The following AKAP13 variants were observed in gnomAD, a reference collection of about 807,000 sequenced individuals.
AKAP13 encodes the protein A-kinase anchoring protein 13, also known as A-kinase anchor protein 13.
In AKAP13, 80 loss-of-function variants were observed where a neutral mutation model predicts 264.5. The observed-to-expected ratio is 0.30, with a 90% CI of 0.25 to 0.36. The LOEUF (loss-of-function observed/expected upper bound fraction) is 0.36, where lower values mean the gene tolerates loss of function less well. AKAP13 is among the 10% of genes least tolerant of loss of function. The probability of loss-of-function intolerance (pLI) is 1.00; values close to 1 mark genes in which losing one functional copy is unlikely to be tolerated. For missense variants in AKAP13, 3,712 were observed against 3,435.2 expected, an observed-to-expected ratio of 1.08 and a Z score of -2.01; for synonymous variants, 1,380 against 1,250.2, an observed-to-expected ratio of 1.10 and a Z score of -2.19.
At chr15:85,715,175 T>C (rs1422950934) in intron 19 of AKAP13, among the ~76,000 whole-genome samples, 7 of 152,188 alleles carry the variant, frequency 4.6e-5, no homozygotes, top group Non-Finnish European at 1.0e-4. Context: ...AGATAGCCTG[T>C]TATATACTTT....
intron 5 of AKAP13, among the ~76,000 whole-genome samples, chr15:85,573,195 A>C (rs2078883939): frequency 6.6e-6 from 1 of 152,216 alleles, no homozygotes; most frequent in Admixed American, 6.5e-5. Flanking sequence ...CTTCTATTTC[A>C]AAACATGATA....
rs1287767805 is a variant in AKAP13 at position 85,713,790 on chromosome 15, AT to A, written c.5600-1995del. ...AAGTCATAACTACCACCCCAGTCTT[AT>A]TTCCTTCACCTCTTGACACTCCTGG... On this transcript the variant is annotated intron_variant, in intron 19 of 36. Coordinates refer to ENST00000394518, the MANE Select transcript of AKAP13 (RefSeq NM_007200.5). 2.4e-4 allele frequency among the ~76,000 whole-genome samples: 37 copies of A among 152,252 alleles called. 1 individual carries two copies. In the East Asian group the frequency reaches 6.9e-3, roughly 29 times the overall value.
chr15:85,701,054 A>G (rs1056473981), intron 17 of AKAP13: 1 of 152,268 alleles, frequency 6.6e-6, no homozygotes, highest in African/African-American at 2.4e-5. Flanking sequence ...ACTGTTTTAC[A>G]TATCTGAACA....
chr15:85,583,631 C>T (rs997204297), intron 7 of AKAP13, among the ~76,000 whole-genome samples: 4 of 152,160 alleles, frequency 2.6e-5, no homozygotes, highest in South Asian at 2.1e-4. Context: ...TTCGGTGCTG[C>T]GTCCTTGGCC....
intron 5 of AKAP13, among the ~76,000 whole-genome samples, chr15:85,573,881 T>A (rs1328089692): frequency 6.6e-6 from 1 of 152,224 alleles, no homozygotes; most frequent in Non-Finnish European, 1.5e-5. Flanking sequence ...GGAGGAAGAA[T>A]AGGCAGTATC....
intron 8 of AKAP13, among the ~76,000 whole-genome samples, chr15:85,601,607 T>C (rs1029429762): frequency 7.1e-6 from 1 of 140,612 alleles, no homozygotes; most frequent in South Asian, 2.2e-4. Context: ...ACCTGAATTC[T>C]TTGTGTGTGT....
chr15:85,618,753 A>G (rs187261918), intron 8 of AKAP13, among the ~76,000 whole-genome samples: 187 of 152,356 alleles, frequency 1.2e-3, no homozygotes, highest in African/African-American at 4.4e-3. Context: ...CTTAGTCGCA[A>G]CAAATATTAA....
At chr15:85,423,861 T>C (rs1419358688) in intron 1 of AKAP13, among the ~76,000 whole-genome samples, 4 of 152,216 alleles carry the variant, frequency 2.6e-5, no homozygotes, top group African/African-American at 9.6e-5. Flanking sequence ...AAAGCAAGTG[T>C]GTTAGCAGGC....
At chr15:85,622,858 C>T (rs1247842385) in intron 8 of AKAP13, among the ~76,000 whole-genome samples, 1 of 152,166 alleles carries the variant, frequency 6.6e-6, no homozygotes, top group Non-Finnish European at 1.5e-5. Flanking sequence ...CCTCTTATTA[C>T]ATGAATATGT....
chr15:85,670,084 A>AT (rs533119562), intron 14 of AKAP13, among the ~76,000 whole-genome samples: 1 of 152,158 alleles, frequency 6.6e-6, no homozygotes, highest in Admixed American at 6.5e-5. Flanking sequence ...ACTTTTTAAA[A>AT]TTTTTTTATT....
At chr15:85,598,203 G>A (rs1452304824) in intron 8 of AKAP13, among the ~76,000 whole-genome samples, 1 of 152,092 alleles carries the variant, frequency 6.6e-6, no homozygotes, top group East Asian at 1.9e-4. Context: ...TGCCATGCTG[G>A]GCTAGAGAAG....
intron 5 of AKAP13, among the ~76,000 whole-genome samples, chr15:85,561,915 T>A (rs538310880): frequency 1.3e-5 from 2 of 152,336 alleles, no homozygotes; most frequent in South Asian, 4.1e-4. Context: ...TAAAATTATT[T>A]ATATTTTTAG....
At chr15:85,418,197 T>A (rs1261441073) in intron 1 of AKAP13, among the ~76,000 whole-genome samples, 1 of 151,934 alleles carries the variant, frequency 6.6e-6, no homozygotes, top group Non-Finnish European at 1.5e-5. Context: ...TGCCTCAGCC[T>A]CCCGAGTAGC....
At chr15:85,456,528 T>G (rs1235200682) in intron 1 of AKAP13, among the ~76,000 whole-genome samples, 1 of 150,882 alleles carries the variant, frequency 6.6e-6, no homozygotes, top group African/African-American at 2.4e-5. Context: ...AAAGGCAGTG[T>G]TCCCAGAGTA....
chr15:85,470,612 A>G (rs2074925922), intron 1 of AKAP13, among the ~76,000 whole-genome samples: 1 of 152,236 alleles, frequency 6.6e-6, no homozygotes, highest in African/African-American at 2.4e-5. Context: ...GTCTTTTTAA[A>G]GTAGCTTTTC....
At chr15:85,384,964 G>C (rs2070478738) in intron 1 of AKAP13, among the ~76,000 whole-genome samples, 2 of 152,138 alleles carry the variant, frequency 1.3e-5, no homozygotes, top group Admixed American at 1.3e-4. Context: ...CAGTGCCTGG[G>C]GAATGTGGAT....
chr15:85,421,740 A>C (rs1164206401), intron 1 of AKAP13, among the ~76,000 whole-genome samples: 2 of 152,242 alleles, frequency 1.3e-5, no homozygotes, highest in Non-Finnish European at 2.9e-5. Context: ...CAGGTCCAAG[A>C]AAGGCGACAG....
At chr15:85,699,749 A>G (rs1317173492) in intron 17 of AKAP13, among the ~76,000 whole-genome samples, 2 of 152,366 alleles carry the variant, frequency 1.3e-5, no homozygotes, top group Admixed American at 6.5e-5. Flanking sequence ...CAGAATTACT[A>G]CCAGAACAGA....
chr15:85,611,075 A>G (rs28508279), intron 8 of AKAP13, among the ~76,000 whole-genome samples: 3,804 of 152,126 alleles, frequency 0.025, 129 homozygotes, highest in African/African-American at 0.077. Flanking sequence ...CGCCAGAACT[A>G]CCCTCACCAA....
Sources: allele counts gnomAD v4.1 joint callset (sites outside exome capture counted in the v4.1 genomes callset), GRCh38; gene constraint gnomAD v4.1.1; transcripts MANE v1.5; gene names NCBI Gene and HGNC (gene_info 2026-07-23, HGNC 2026-07-21).